CRHR1: variants seen among roughly 807,000 people sequenced by gnomAD.
CRHR1 encodes corticotropin-releasing hormone receptor 1.
CRHR1 carries 28 observed loss-of-function variants against 56.0 expected under a neutral mutation model. The ratio of observed to expected loss-of-function variants is 0.50; its 90% CI spans 0.37 to 0.69. The LOEUF (loss-of-function observed/expected upper bound fraction) is 0.69. CRHR1 is among the 30% of genes least tolerant of loss of function. The probability of loss-of-function intolerance (pLI) is 0.00; values close to 1 mark genes in which losing one functional copy is unlikely to be tolerated. For missense variants in CRHR1, 376 were observed against 548.0 expected, an observed-to-expected ratio of 0.69 and a Z score of 3.13; for synonymous variants, 195 against 216.5, an observed-to-expected ratio of 0.90 and a Z score of 0.87.
At chr17:45,802,592 G>A (rs1245760760) in intron 1 of CRHR1, among the ~76,000 whole-genome samples, 1 of 152,198 alleles carries the variant, frequency 6.6e-6, no homozygotes, top group East Asian at 1.9e-4. Context: ...GCAAGAGGTG[G>A]CACAGGCACA....
At chr17:45,833,935 G>A (rs2062378449) in intron 11 of CRHR1, 72 bp from the exon 12 acceptor site, 1 of 1,613,044 alleles carries the variant, frequency 6.2e-7, no homozygotes, top group Non-Finnish European at 8.5e-7. Flanking sequence ...CCAGGGAGAA[G>A]CAAGGGGCAG....
chr17:45,793,584 T>C (rs1051794819), intron 1 of CRHR1, among the ~76,000 whole-genome samples: 4 of 152,114 alleles, frequency 2.6e-5, no homozygotes, highest in African/African-American at 9.7e-5. Context: ...ATCCCACCCC[T>C]CCAGCTCCCT....
intron 8 of CRHR1, among the ~76,000 whole-genome samples, chr17:45,831,921 G>A (rs904888199): frequency 3.3e-5 from 5 of 152,194 alleles, no homozygotes; most frequent in Admixed American, 1.3e-4. Flanking sequence ...ATTATCTTGC[G>A]TGTTTATGTG....
At chr17:45,820,939 G>A (rs532651401) in intron 3 of CRHR1, among the ~76,000 whole-genome samples, 6 of 152,340 alleles carry the variant, frequency 3.9e-5, no homozygotes, top group Middle Eastern at 3.4e-3. Context: ...GCCCAGCCTC[G>A]TGAAAATTGA....
chr17:45,799,802 C>T (rs926350201), intron 1 of CRHR1: 2 of 152,340 alleles, frequency 1.3e-5, no homozygotes, highest in East Asian at 1.9e-4. Context: ...TCGGCTGTCT[C>T]GCTGGGATGA....
At chr17:45,795,273 C>T (rs956649729) in intron 1 of CRHR1, among the ~76,000 whole-genome samples, 3 of 152,178 alleles carry the variant, frequency 2.0e-5, no homozygotes, top group African/African-American at 7.2e-5. Context: ...CTCTTGTAAT[C>T]CCACACTCTT....
intron 10 of CRHR1, 21 bp from the exon 11 acceptor site, chr17:45,833,693 T>TGGGGGGGGGGGGGG: frequency 3.4e-5 from 54 of 1,571,532 alleles, no homozygotes; most frequent in Middle Eastern, 2.0e-4. Flanking sequence ...ACTCCGAGCC[T>TGGGGGGGGGGGGGG]CCCCACCCGC....
At chr17:45,806,897 GA>G in intron 1 of CRHR1, 112 bp from the exon 2 acceptor site, 1 of 808,324 alleles carries the variant, frequency 1.2e-6, no homozygotes, top group Non-Finnish European at 2.0e-6. Context: ...GACAGGGTGG[GA>G]GGGGAGGCAG....
intron 8 of CRHR1, among the ~76,000 whole-genome samples, chr17:45,831,374 G>A (rs2062305356): frequency 6.6e-6 from 1 of 152,172 alleles, no homozygotes; most frequent in Non-Finnish European, 1.5e-5. Context: ...ATATAAATGT[G>A]TTCTATTAAT....
chr17:45,821,302 C>A, intron 3 of CRHR1, 53 bp from the exon 4 acceptor site: 1 of 1,534,818 alleles, frequency 6.5e-7, no homozygotes, highest in South Asian at 1.1e-5. Flanking sequence ...CCAGGATGGT[C>A]AGGCAGGGGC....
At chr17:45,787,183 CAG>C (rs1439038625) in intron 1 of CRHR1, among the ~76,000 whole-genome samples, 1 of 152,050 alleles carries the variant, frequency 6.6e-6, no homozygotes, top group East Asian at 1.9e-4. Flanking sequence ...TGGGGAGAGA[CAG>C]GGTGTGTGAA....
rs369182957 is a variant in CRHR1, at chr17:45,830,222, C to G, written c.555+8C>G. 468 of 1,613,872 alleles carry G rather than the reference C, an allele frequency of 2.9e-4. No homozygotes were observed. The highest frequency in any genetic ancestry group is 3.7e-4 in the Non-Finnish European group (439 of 1,179,964). ...GTCCACCAGAGCAACGTGGTACGTC[C>G]TGGCAGGGGAGCGGGGAGCAGGTCA... On this transcript the variant is annotated splice_region_variant and intron_variant, in intron 6 of 12. Coordinates refer to ENST00000314537, the MANE Select transcript of CRHR1 (RefSeq NM_004382.5).
At chr17:45,814,065 G>A (rs2061878145) in intron 2 of CRHR1, among the ~76,000 whole-genome samples, 1 of 152,232 alleles carries the variant, frequency 6.6e-6, no homozygotes, top group Non-Finnish European at 1.5e-5. Flanking sequence ...TCCGTGCCTT[G>A]CGAAAGCAAG....
chr17:45,827,974 A>T (rs1429375995), intron 4 of CRHR1: 1 of 152,184 alleles, frequency 6.6e-6, no homozygotes, highest in Non-Finnish European at 1.5e-5. Context: ...CATGTCACCC[A>T]CCTTTGTGCC....
At chr17:45,807,622 G>A (rs2061743381) in intron 2 of CRHR1, among the ~76,000 whole-genome samples, 1 of 152,204 alleles carries the variant, frequency 6.6e-6, no homozygotes, top group Non-Finnish European at 1.5e-5. Flanking sequence ...GAAAACTGAG[G>A]CACAGAGAAC....
rs755845792 is a variant in CRHR1, at chr17:45,833,557, C to T, written c.929+20C>T. On this transcript the variant is annotated intron_variant, in intron 10 of 12. Coordinates refer to ENST00000314537, the MANE Select transcript of CRHR1 (RefSeq NM_004382.5). ...GTACAGGTAACCGGGTACCACCTTC[C>T]TCAGGCCTCCCCCTGATGAAACCCC... The T allele has an allele frequency of 1.2e-6, 2 of 1,609,930 alleles. No individual in the cohort carries two copies. Among genetic ancestry groups the T allele is most frequent in the Admixed American group, 3.3e-5 (2 of 60,016 alleles).
chr17:45,803,613 C>T lies in CRHR1; in HGVS notation c.34-3397C>T, dbSNP rs368822906. ...ATTGGCCAGGCTGGTCTCAAACTCC[C>T]GACCTCAGGTGATCCGCCTGCCTTG... is the stretch of plus-strand genomic sequence containing the variant. On this transcript the variant is annotated intron_variant, in intron 1 of 12. Transcript: ENST00000314537. 5.7e-3 allele frequency among the ~76,000 whole-genome samples: 860 copies of T among 152,168 alleles called. 9 individuals are homozygous for T. Among genetic ancestry groups the T allele is most frequent in the African/African-American group, 0.019 (802 of 41,534 alleles).
intron 3 of CRHR1, among the ~76,000 whole-genome samples, chr17:45,820,321 G>A (rs1369778264): frequency 6.6e-6 from 1 of 152,206 alleles, no homozygotes; most frequent in Non-Finnish European, 1.5e-5. Flanking sequence ...GGCAACCTCT[G>A]CCAGCAGAGA....
At chr17:45,803,730 G>C (rs538626708) in intron 1 of CRHR1, among the ~76,000 whole-genome samples, 22 of 152,152 alleles carry the variant, frequency 1.4e-4, no homozygotes, top group Non-Finnish European at 2.5e-4. Flanking sequence ...AGCTGGCTCT[G>C]GGAGCCCTAG....
Sources: gnomAD v4.1 joint callset for allele counts (sites outside exome capture counted in the v4.1 genomes callset) on GRCh38, gnomAD v4.1.1 for gene constraint, MANE v1.5 for transcripts, NCBI Gene and HGNC (gene_info 2026-07-23, HGNC 2026-07-21) for gene names.